The following KAZN variants were observed in gnomAD, a reference collection of about 807,000 sequenced individuals.
The protein encoded by KAZN is kazrin, periplakin interacting protein.
KAZN carries 40 observed loss-of-function variants against 87.4 expected under a neutral mutation model. The ratio of observed to expected loss-of-function variants is 0.46; its 90% CI spans 0.36 to 0.60. The LOEUF (loss-of-function observed/expected upper bound fraction) is 0.60. KAZN is among the 20% of genes least tolerant of loss of function. The probability of loss-of-function intolerance (pLI) is 0.00; values close to 1 mark genes in which losing one functional copy is unlikely to be tolerated. For missense variants in KAZN, 898 were observed against 1,073.9 expected (o/e 0.84, Z 2.29); for synonymous variants, 466 against 458.3 (o/e 1.02, Z -0.22).
chr1:14,431,965 A>T (rs556760941), intron 2 of KAZN, among the ~76,000 whole-genome samples: 2 of 152,158 alleles, frequency 1.3e-5, no homozygotes, highest in African/African-American at 4.8e-5. Flanking sequence ...GCTTTCTTTC[A>T]TATGTACCTG....
At chr1:14,130,224 T>C (rs1644963809) in intron 1 of KAZN, among the ~76,000 whole-genome samples, 1 of 152,168 alleles carries the variant, frequency 6.6e-6, no homozygotes, top group Non-Finnish European at 1.5e-5. Context: ...CATGGTATTG[T>C]GGTCTCTCCT....
Position 15,036,489 on chromosome 1 carries a change from C to T in KAZN, c.555+1604C>T, listed in dbSNP as rs576576304. On this transcript the variant is annotated intron_variant, in intron 3 of 14. Transcript: ENST00000376030. The stretch of plus-strand genomic sequence containing the variant: ...CCTCCCCATGCCTGTCACAGGCAAA[C>T]GGTTTGGCAGGAAGGGGACGACCCA... 7.2e-5 allele frequency among the ~76,000 whole-genome samples: 11 copies of T among 151,996 alleles called. No individual in the cohort carries two copies. The South Asian group carries it at 1.0e-3, about 14-fold the overall frequency.
intron 1 of KAZN, among the ~76,000 whole-genome samples, chr1:14,701,148 G>C (rs553922939): frequency 6.6e-6 from 1 of 152,088 alleles, no homozygotes; most frequent in African/African-American, 2.4e-5. Flanking sequence ...ACAGGAAGTC[G>C]CTCTGTCACC....
intron 1 of KAZN, among the ~76,000 whole-genome samples, chr1:14,026,607 A>C (rs1641082769): frequency 6.6e-6 from 1 of 152,210 alleles, no homozygotes; most frequent in African/African-American, 2.4e-5. Context: ...CAGGAAAGCA[A>C]TGGTGTAGAG....
chr1:15,108,130 T>C (rs367838545), intron 13 of KAZN, among the ~76,000 whole-genome samples: 30 of 152,222 alleles, frequency 2.0e-4, no homozygotes, highest in South Asian at 1.0e-3. Flanking sequence ...CTCAAACACA[T>C]AGAATGAGAG....
intron 1 of KAZN, among the ~76,000 whole-genome samples, chr1:14,636,459 C>A (rs1459840122): frequency 6.6e-6 from 1 of 152,152 alleles, no homozygotes; most frequent in Admixed American, 6.5e-5. Flanking sequence ...TTGTGTTCAT[C>A]GAGCATTTCT....
At chr1:14,870,842 C>G (rs1326674054) in intron 1 of KAZN, among the ~76,000 whole-genome samples, 1 of 152,146 alleles carries the variant, frequency 6.6e-6, no homozygotes. Flanking sequence ...GAATCTTACT[C>G]CACAACCAAG....
chr1:14,370,480 G>A (rs112334461), intron 2 of KAZN, among the ~76,000 whole-genome samples: 2,509 of 152,298 alleles, frequency 0.016, 32 homozygotes, highest in Middle Eastern at 0.041. Flanking sequence ...AAGACCAAGA[G>A]GGTGGTTTGG....
At chr1:14,721,471 T>A (rs1643099313) in intron 1 of KAZN, among the ~76,000 whole-genome samples, 1 of 152,240 alleles carries the variant, frequency 6.6e-6, no homozygotes, top group Admixed American at 6.5e-5. Context: ...AGGTATGTCC[T>A]TATTAGTAGC....
chr1:14,137,269 A>G (rs1645127631), intron 1 of KAZN, among the ~76,000 whole-genome samples: 2 of 152,178 alleles, frequency 1.3e-5, no homozygotes, highest in African/African-American at 4.8e-5. Context: ...CTGGTCTTCA[A>G]AGCAACACCA....
Position 14,573,527 on chromosome 1 carries a change from A to G in KAZN, c.250-25456A>G, listed in dbSNP as rs868693788. ...CCGGGGATGGTGGTGCACACCTGTA[A>G]TCCCAGCTACTAGAGAAGCTGAGGC... On this transcript the variant is annotated intron_variant, in intron 2 of 16. Coordinates refer to the KAZN transcript ENST00000636203. Among the ~76,000 whole-genome samples, 4 of 152,246 alleles carry G rather than the reference A, an allele frequency of 2.6e-5. 1 individual carries two copies. The Middle Eastern group carries it at 0.01, about 388-fold the overall frequency.
intron 2 of KAZN, among the ~76,000 whole-genome samples, chr1:15,003,520 A>G (rs2102030148): frequency 6.6e-6 from 1 of 152,316 alleles, no homozygotes; most frequent in Admixed American, 6.5e-5. Flanking sequence ...GTTTTTTAAA[A>G]ATAAAGCAGA....
intron 2 of KAZN, among the ~76,000 whole-genome samples, chr1:14,416,972 GTA>G (rs1264382342): frequency 1.4e-5 from 2 of 139,504 alleles, no homozygotes; most frequent in Non-Finnish European, 3.1e-5. Context: ...GTATACATAT[GTA>G]TATATGTGTA....
chr1:14,412,611 A>C (rs1664396096), intron 2 of KAZN, among the ~76,000 whole-genome samples: 1 of 152,160 alleles, frequency 6.6e-6, no homozygotes, highest in African/African-American at 2.4e-5. Flanking sequence ...AATACATAAA[A>C]GAAGAGGAAA....
chr1:13,950,587 T>C (rs899465740), intron 1 of KAZN, among the ~76,000 whole-genome samples: 4 of 152,114 alleles, frequency 2.6e-5, no homozygotes, highest in Non-Finnish European at 4.4e-5. Context: ...TGTGTTCAAA[T>C]TGGGATTTTT....
intron 2 of KAZN, among the ~76,000 whole-genome samples, chr1:14,535,074 C>A (rs10927459): frequency 0.26 from 39,697 of 152,042 alleles, 5,357 homozygotes; most frequent in South Asian, 0.39. Flanking sequence ...TTTGTCTTCC[C>A]TCTCTGGGAC....
rs540880203 is a variant in KAZN, at chr1:14,563,874, C to CTTTTTTT, written c.250-35101_250-35095dup. On this transcript the variant is annotated intron_variant, in intron 2 of 16. Transcript: ENST00000636203. ...TGCACTCAGAGTATGGTTCAAACTC[C>CTTTTTTT]TTTTTTTTTTTTTTGTCTGAGACAG... is the stretch of plus-strand genomic sequence containing the variant. Among the ~76,000 whole-genome samples, 8 of 97,936 alleles carry CTTTTTTT rather than the reference C, an allele frequency of 8.2e-5. 1 individual carries two copies. Among genetic ancestry groups the CTTTTTTT allele is most frequent in the East Asian group, 9.1e-4 (2 of 2,206 alleles). 64.2% of individuals were successfully genotyped at this position (97,936 alleles called of 152,430 possible). A position where few individuals can be genotyped will look rare whatever the true frequency, so the allele number is the denominator to read the frequency against.
chr1:15,112,417 C>T lies in KAZN; in HGVS notation c.2049-10C>T, dbSNP rs369167080. 1 of 1,562,312 alleles carries T rather than the reference C, an allele frequency of 6.4e-7. No individual in the cohort carries two copies. Among genetic ancestry groups the T allele is most frequent in the Non-Finnish European group, 8.7e-7 (1 of 1,148,296 alleles). The stretch of plus-strand genomic sequence containing the variant: ...CCTCCCCTGCTGACTCAAAATGGTC[C>T]TCTCTTCAGCTCCACAGGCATCCGG... On this transcript the variant is annotated splice_polypyrimidine_tract_variant and intron_variant, in intron 13 of 14. Coordinates refer to ENST00000376030, the MANE Select transcript of KAZN (RefSeq NM_201628.3).
intron 4 of KAZN, among the ~76,000 whole-genome samples, chr1:15,049,738 T>C (rs1391850698): frequency 6.6e-6 from 1 of 152,102 alleles, no homozygotes; most frequent in African/African-American, 2.4e-5. Flanking sequence ...AAATCAGAAC[T>C]ATAGGCCAGG....
Sources: gnomAD v4.1 joint callset for allele counts (sites outside exome capture counted in the v4.1 genomes callset) on GRCh38, gnomAD v4.1.1 for gene constraint, MANE v1.5 for transcripts, NCBI Gene and HGNC (gene_info 2026-07-23, HGNC 2026-07-21) for gene names.